Variants in MTMR3 observed in about 807,000 individuals in gnomAD.
MTMR3 encodes phosphatidylinositol-3,5-bisphosphate 3-phosphatase MTMR3.
MTMR3 carries 32 observed loss-of-function variants against 132.4 expected under a neutral mutation model. The ratio of observed to expected loss-of-function variants is 0.24; its 90% CI spans 0.18 to 0.32. The LOEUF is 0.32. Ranked by LOEUF, MTMR3 falls within the 10% of genes least tolerant of loss-of-function variation. The pLI is 1.00. For missense variants in MTMR3, 1,216 were observed against 1,489.6 expected, an observed-to-expected ratio of 0.82 and a Z score of 3.02; for synonymous variants, 556 against 550.3, an observed-to-expected ratio of 1.01 and a Z score of -0.14.
intron 1 of MTMR3, among the ~76,000 whole-genome samples, chr22:29,912,320 C>T (rs1194696389): frequency 6.6e-6 from 1 of 152,162 alleles, no homozygotes; most frequent in East Asian, 1.9e-4. Flanking sequence ...GACAAAGTCT[C>T]GCTTTGTCAC....
intron 1 of MTMR3, among the ~76,000 whole-genome samples, chr22:29,884,371 G>A (rs1368490105): frequency 6.6e-6 from 1 of 152,116 alleles, no homozygotes; most frequent in African/African-American, 2.4e-5. Flanking sequence ...AATTACAGGA[G>A]ATTATTATTA....
intron 1 of MTMR3, among the ~76,000 whole-genome samples, chr22:29,939,010 C>T (rs1172485313): frequency 6.6e-6 from 1 of 151,712 alleles, no homozygotes; most frequent in Non-Finnish European, 1.5e-5. Context: ...TTAGTAGAGG[C>T]GGGGTTTCAC....
intron 1 of MTMR3, among the ~76,000 whole-genome samples, chr22:29,921,982 T>C (rs2065425159): frequency 6.6e-6 from 1 of 151,804 alleles, no homozygotes; most frequent in Non-Finnish European, 1.5e-5. Context: ...CCCAAGCAGC[T>C]GGGACTACAA....
At chr22:29,974,078 C>T (rs1186250547) in intron 3 of MTMR3, among the ~76,000 whole-genome samples, 3 of 152,102 alleles carry the variant, frequency 2.0e-5, no homozygotes, top group Admixed American at 6.6e-5. Context: ...ATGGAGACTA[C>T]GAAGTGCCAG....
intron 1 of MTMR3, among the ~76,000 whole-genome samples, chr22:29,919,693 A>T (rs1193890708): frequency 1.3e-5 from 2 of 151,852 alleles, no homozygotes; most frequent in Non-Finnish European, 2.9e-5. Context: ...TAGCTAATAA[A>T]AAAAAAAAAA....
intron 1 of MTMR3, among the ~76,000 whole-genome samples, chr22:29,908,986 T>TTTA (rs1555894926): frequency 5.3e-5 from 8 of 150,930 alleles, no homozygotes; most frequent in Non-Finnish European, 1.0e-4. Flanking sequence ...TCTTTTCTTT[T>TTTA]TTTTTTTTTG....
At position 29,970,966 on chromosome 22, in the gene MTMR3, C is replaced by T; in HGVS notation, c.-84-10C>T. 2 of 965,076 alleles carry T rather than the reference C, an allele frequency of 2.1e-6. No individual in the cohort carries two copies. Among genetic ancestry groups the T allele is most frequent in the Non-Finnish European group, 2.9e-6 (2 of 685,766 alleles). The allele number at this position is 965,076 out of a possible 1,614,324, so 59.8% of individuals were successfully genotyped here. A position where few individuals can be genotyped will look rare whatever the true frequency, so the allele number is the denominator to read the frequency against. On this transcript the variant is annotated splice_polypyrimidine_tract_variant and intron_variant, in intron 2 of 19. Coordinates refer to ENST00000401950, the MANE Select transcript of MTMR3 (RefSeq NM_021090.4). Reference sequence around the variant, plus strand: ...TTTTTCTTCTTCCCCCTCTTCCCCCCCACCCCCAGACTTCACCATAAGGGA... The same window carrying T: ...TTTTTCTTCTTCCCCCTCTTCCCCCTCACCCCCAGACTTCACCATAAGGGA...
chr22:29,950,091 A>G (rs1254225357), intron 1 of MTMR3, among the ~76,000 whole-genome samples: 1 of 152,226 alleles, frequency 6.6e-6, no homozygotes, highest in Non-Finnish European at 1.5e-5. Context: ...GACCTTGGAA[A>G]TAGTCAAAAG....
chr22:30,014,209 CTT>C (rs2067511189), intron 14 of MTMR3: 1 of 152,048 alleles, frequency 6.6e-6, no homozygotes, highest in African/African-American at 2.4e-5. Flanking sequence ...TCCACTCTCT[CTT>C]AAACCCACTT....
chr22:29,988,390 A>G lies in MTMR3; in HGVS notation c.211-90A>G, dbSNP rs1186206087. On this transcript the variant is annotated intron_variant, in intron 5 of 19. Transcript: ENST00000401950. ...CTATTTTTGTTGCTTTCCCTTATAGATCTTTTTAATTAGTCTTGTTGGACA... is the reference window on the plus strand; with the variant it reads ...CTATTTTTGTTGCTTTCCCTTATAGGTCTTTTTAATTAGTCTTGTTGGACA... 13 of 886,632 alleles carry G rather than the reference A, an allele frequency of 1.5e-5. No homozygotes were observed. In the Admixed American group the frequency reaches 2.5e-4, roughly 17 times the overall value. 54.9% of individuals were successfully genotyped at this position (886,632 alleles called of 1,614,324 possible).
chr22:30,017,682 A>T (rs41166), intron 15 of MTMR3: 112,994 of 448,608 alleles, frequency 0.25, 15,413 homozygotes, highest in Middle Eastern at 0.37. Context: ...AAAGGGATCT[A>T]AAAAATATTT....
At chr22:30,002,837 C>G (rs376571278) in intron 8 of MTMR3, 43 bp from the exon 9 acceptor site, 3 of 1,476,384 alleles carry the variant, frequency 2.0e-6, no homozygotes, top group African/African-American at 1.4e-5. Flanking sequence ...CTCTCTCCCT[C>G]TCTTATCCCC....
At chr22:29,974,856 T>A (rs925796473) in intron 3 of MTMR3, among the ~76,000 whole-genome samples, 20 of 152,236 alleles carry the variant, frequency 1.3e-4, no homozygotes, top group African/African-American at 3.9e-4. Flanking sequence ...GTTAAAAGTA[T>A]ACTTTTATGT....
chr22:29,931,780 CT>C (rs34210747), intron 1 of MTMR3, among the ~76,000 whole-genome samples: 2,662 of 140,878 alleles, frequency 0.019, 38 homozygotes, highest in South Asian at 0.029. Context: ...AGAGAGAATC[CT>C]TTTTTTTTTT....
chr22:29,957,587 A>G (rs986056231), intron 2 of MTMR3, among the ~76,000 whole-genome samples: 1 of 152,024 alleles, frequency 6.6e-6, no homozygotes, highest in Non-Finnish European at 1.5e-5. Flanking sequence ...AGTTGCTGGG[A>G]CTACAGGTGT....
At chr22:29,923,128 G>A (rs1003108510) in intron 1 of MTMR3, among the ~76,000 whole-genome samples, 10 of 149,908 alleles carry the variant, frequency 6.7e-5, no homozygotes, top group African/African-American at 2.0e-4. Flanking sequence ...TGCAAGCTCC[G>A]CCTCCTGGGT....
chr22:29,959,504 G>A (rs59663694), intron 2 of MTMR3, among the ~76,000 whole-genome samples: 44,434 of 151,876 alleles, frequency 0.29, 7,639 homozygotes, highest in East Asian at 0.61. Flanking sequence ...TCAGCTTCCT[G>A]AGTAGCTGGG....
intron 2 of MTMR3, among the ~76,000 whole-genome samples, chr22:29,958,031 T>C (rs1314391106): frequency 6.6e-6 from 1 of 152,168 alleles, no homozygotes; most frequent in Non-Finnish European, 1.5e-5. Context: ...GTACTACCTG[T>C]AGTTTCAGGG....
At chr22:29,955,088 C>T (rs1281701937) in intron 1 of MTMR3, among the ~76,000 whole-genome samples, 1 of 152,102 alleles carries the variant, frequency 6.6e-6, no homozygotes, top group African/African-American at 2.4e-5. Flanking sequence ...CTCCCGGGCC[C>T]AAGCCATCCT....
Sources: gnomAD v4.1 joint callset for allele counts (sites outside exome capture counted in the v4.1 genomes callset) on GRCh38, gnomAD v4.1.1 for gene constraint, MANE v1.5 for transcripts, NCBI Gene and HGNC (gene_info 2026-07-23, HGNC 2026-07-21) for gene names.